The following RABEPK variants were observed in gnomAD, a reference collection of about 807,000 sequenced individuals.
RABEPK encodes the protein Rab9 effector protein with kelch motifs.
In RABEPK, 27 loss-of-function variants were observed where a neutral mutation model predicts 34.1. The ratio of observed to expected loss-of-function variants is 0.79; its 90% CI spans 0.58 to 1.09. RABEPK has a LOEUF of 1.09. Ranked by LOEUF, RABEPK falls within the 50% of genes least tolerant of loss-of-function variation. RABEPK has a pLI of 0.00. For synonymous variants in RABEPK, 172 were observed against 169.2 expected (o/e 1.02, Z -0.13); for missense variants, 449 against 462.6 (o/e 0.97, Z 0.27).
At chr9:125,210,795 T>G (rs1426964191) in intron 3 of RABEPK, among the ~76,000 whole-genome samples, 1 of 151,640 alleles carries the variant, frequency 6.6e-6, no homozygotes. Flanking sequence ...CACTTACGTA[T>G]TTTGTTAGGT....
chr9:125,233,644 T>C (rs1223324059), intron 7 of RABEPK, 44 bp from the exon 8 acceptor site: 2 of 1,583,134 alleles, frequency 1.3e-6, no homozygotes, highest in Non-Finnish European at 8.6e-7. Context: ...GCCCGGCCTA[T>C]CTGGAAATTT....
intron 5 of RABEPK, chr9:125,222,404 T>C (rs890282231): frequency 6.6e-6 from 1 of 150,868 alleles, no homozygotes; most frequent in Non-Finnish European, 1.5e-5. Context: ...TTATCAATCT[T>C]TTTTTTTTAA....
intron 5 of RABEPK, among the ~76,000 whole-genome samples, chr9:125,226,438 TAAC>T (rs1222895194): frequency 6.6e-6 from 1 of 151,706 alleles, no homozygotes; most frequent in African/African-American, 2.4e-5. Flanking sequence ...AATAAATAAA[TAAC>T]AAGGCTGGGC....
intron 7 of RABEPK, among the ~76,000 whole-genome samples, chr9:125,233,348 T>TA (rs1832351197): frequency 7.0e-6 from 1 of 142,832 alleles, no homozygotes; most frequent in Non-Finnish European, 1.5e-5. Flanking sequence ...TTTTTTTTTT[T>TA]TTTTGTCTGA....
At chr9:125,217,215 C>T (rs1270087019) in intron 4 of RABEPK, among the ~76,000 whole-genome samples, 1 of 152,038 alleles carries the variant, frequency 6.6e-6, no homozygotes, top group Non-Finnish European at 1.5e-5. Flanking sequence ...TTTAAATAAA[C>T]TCAGTATCTG....
chr9:125,227,240 G>T (rs946789626), intron 5 of RABEPK, among the ~76,000 whole-genome samples: 1 of 151,914 alleles, frequency 6.6e-6, no homozygotes, highest in African/African-American at 2.4e-5. Flanking sequence ...GACTCTGAAG[G>T]GCTGTCACAG....
At chr9:125,204,399 T>C (rs1280518788) in intron 2 of RABEPK, among the ~76,000 whole-genome samples, 1 of 152,088 alleles carries the variant, frequency 6.6e-6, no homozygotes, top group Admixed American at 6.6e-5. Context: ...CTGGCCAACA[T>C]GGCAAAACCC....
chr9:125,210,232 T>A (rs1182125720), intron 3 of RABEPK, among the ~76,000 whole-genome samples: 2 of 150,510 alleles, frequency 1.3e-5, no homozygotes, highest in Non-Finnish European at 3.0e-5. Flanking sequence ...TGAAACCCTG[T>A]CTCTACTAAA....
Position 125,210,813 on chromosome 9 carries a change from A to G in RABEPK, c.212-2557A>G, listed in dbSNP as rs549434440. ...TTACGTATTTTGTTAGGTCCATGTA[A>G]CATTTCCCTATTGTTTTAATCTTAA... On this transcript the variant is annotated intron_variant, in intron 3 of 7. Transcript: ENST00000373538. 2.6e-5 allele frequency among the ~76,000 whole-genome samples: 4 copies of G among 151,498 alleles called. No homozygotes were observed. In the South Asian group the frequency reaches 8.3e-4, roughly 31 times the overall value.
intron 3 of RABEPK, among the ~76,000 whole-genome samples, chr9:125,210,184 G>T (rs1158023863): frequency 6.8e-6 from 1 of 147,450 alleles, no homozygotes; most frequent in Non-Finnish European, 1.5e-5. Flanking sequence ...CGGGCGGATC[G>T]CTAGGTCAAG....
chr9:125,213,461 C>A lies in RABEPK; in HGVS notation c.303C>A (p.Ile101=), dbSNP rs1045377. The A allele has an allele frequency of 6.2e-7, 1 of 1,614,116 alleles. No individual in the cohort carries two copies. ...TTCCCTCCTGCACACCTGACCGTAT[C>A]TGGGTATTTGGAGGTGCCAACCAAT... ...SFIPSCTPDR[I]WVFGGANQSG... The change falls in exon 4 of 8, where the codon ATC becomes ATA. Residue 101 remains isoleucine, a synonymous_variant. Coordinates refer to ENST00000373538, the MANE Select transcript of RABEPK (RefSeq NM_005833.4).
rs2131421579 is a variant in RABEPK at position 125,226,085 on chromosome 9, G to A, written c.527-1825G>A. 1.3e-5 allele frequency among the ~76,000 whole-genome samples: 2 copies of A among 151,724 alleles called. 1 individual carries two copies. Among genetic ancestry groups the A allele is most frequent in the South Asian group, 4.2e-4 (2 of 4,798 alleles). ...GAATCGCTTGAACCTGGAAGGCAGA[G>A]GTTGCAGCAAGCCAAGATCGCACCA... On this transcript the variant is annotated intron_variant, in intron 5 of 7. Transcript: ENST00000373538.
intron 5 of RABEPK, among the ~76,000 whole-genome samples, chr9:125,223,070 A>G (rs1831466466): frequency 6.6e-6 from 1 of 152,116 alleles, no homozygotes; most frequent in Admixed American, 6.6e-5. Context: ...TCATGAGGTC[A>G]GGAGTTCGAG....
At position 125,232,841 on chromosome 9, in the gene RABEPK, G is replaced by T. The variant is rs1832298597; in HGVS notation, c.826+96G>T. 5.5e-6 allele frequency: 7 copies of T among 1,270,978 alleles called. No individual in the cohort carries two copies. In the South Asian group the frequency reaches 1.1e-4, roughly 20 times the overall value. 78.7% of individuals were successfully genotyped at this position (1,270,978 alleles called of 1,614,324 possible). A position where few individuals can be genotyped will look rare whatever the true frequency, so the allele number is the denominator to read the frequency against. On this transcript the variant is annotated intron_variant, in intron 7 of 7. Transcript: ENST00000373538. ...GCCTGTAATCCCAGCACTTTGGGAG[G>T]CCGAGGCAGGCAGATCACGAGGTCA... is the stretch of plus-strand genomic sequence containing the variant.
intron 5 of RABEPK, among the ~76,000 whole-genome samples, chr9:125,224,210 A>C (rs1370500886): frequency 6.7e-6 from 1 of 150,170 alleles, no homozygotes; most frequent in South Asian, 2.1e-4. Flanking sequence ...AACAAAAACA[A>C]AACAAAAAAA....
At chr9:125,229,665 C>T (rs980760883) in intron 6 of RABEPK, among the ~76,000 whole-genome samples, 1 of 152,302 alleles carries the variant, frequency 6.6e-6, no homozygotes, top group East Asian at 1.9e-4. Context: ...TGTTGGCCTA[C>T]TGGATTTCTT....
At chr9:125,206,365 G>C (rs1830226154) in intron 2 of RABEPK, among the ~76,000 whole-genome samples, 1 of 152,122 alleles carries the variant, frequency 6.6e-6, no homozygotes, top group Admixed American at 6.6e-5. Context: ...AGGCATGGTG[G>C]TGCGCGCCTG....
intron 5 of RABEPK, among the ~76,000 whole-genome samples, chr9:125,227,483 G>T (rs954821884): frequency 6.6e-6 from 1 of 151,470 alleles, no homozygotes; most frequent in Non-Finnish European, 1.5e-5. Context: ...ATGCAATGGC[G>T]CAATCTCGGC....
At chr9:125,202,022 C>T (rs3121918) in intron 1 of RABEPK, among the ~76,000 whole-genome samples, 2 of 150,432 alleles carry the variant, frequency 1.3e-5, no homozygotes, top group South Asian at 2.1e-4. Flanking sequence ...ACCAGCCTGG[C>T]GAACATAGTG....
Sources: allele counts gnomAD v4.1 joint callset (sites outside exome capture counted in the v4.1 genomes callset), GRCh38; gene constraint gnomAD v4.1.1; transcripts MANE v1.5; gene names NCBI Gene and HGNC (gene_info 2026-07-23, HGNC 2026-07-21).